PIK3C2G: variants seen among roughly 807,000 people sequenced by gnomAD.
PIK3C2G encodes phosphatidylinositol 3-kinase C2 domain-containing subunit gamma.
Under a neutral mutation model 181.1 loss-of-function variants are expected in PIK3C2G, and 168 were observed. The ratio of observed to expected loss-of-function variants is 0.93; its 90% confidence interval spans 0.82 to 1.05. The LOEUF (loss-of-function observed/expected upper bound fraction) is 1.05. Among genes scored for constraint, PIK3C2G ranks in the 50% least tolerant of loss-of-function variants. The pLI, the probability that PIK3C2G is intolerant of heterozygous loss-of-function variation, is 0.00. For missense variants in PIK3C2G, 1,869 were observed against 1,732.8 expected (o/e 1.08, Z -1.40); for synonymous variants, 573 against 592.2 (o/e 0.97, Z 0.47).
chr12:18,271,260 G>T (rs766587138), intron 1 of PIK3C2G, among the ~76,000 whole-genome samples: 2 of 151,822 alleles, frequency 1.3e-5, no homozygotes, highest in Non-Finnish European at 2.9e-5. Context: ...TTGTTCCTCC[G>T]CATCTGTTAG....
At chr12:18,685,869 CAT>C in the PIK3C2G span, among the ~76,000 whole-genome samples, 45,072 of 145,788 alleles carry the variant, frequency 0.31, 7,166 homozygotes, top group East Asian at 0.53. Context: ...CACACACACA[CAT>C]ACAATAATAT....
At chr12:18,318,383 T>G (rs1437159155) in intron 6 of PIK3C2G, among the ~76,000 whole-genome samples, 2 of 152,260 alleles carry the variant, frequency 1.3e-5, no homozygotes, top group Admixed American at 6.5e-5. Flanking sequence ...TCATCTTCAT[T>G]ATCTGAATTG....
intron 32 of PIK3C2G, among the ~76,000 whole-genome samples, chr12:18,642,647 G>T (rs1244864498): frequency 6.6e-6 from 1 of 152,092 alleles, no homozygotes; most frequent in African/African-American, 2.4e-5. Context: ...CCTTTCTTTA[G>T]TCCTACACGG....
chr12:18,244,782 G>T (rs183917333), upstream of PIK3C2G, among the ~76,000 whole-genome samples: 2 of 152,130 alleles, frequency 1.3e-5, no homozygotes, highest in Admixed American at 1.3e-4. Context: ...ATTAATCTCA[G>T]AAGTAATTCA....
chr12:18,286,934 G>A lies in PIK3C2G; in HGVS notation c.761+5G>A. 2 of 1,493,180 alleles carry A rather than the reference G, an allele frequency of 1.3e-6. No individual in the cohort carries two copies. Among genetic ancestry groups the A allele is most frequent in the Admixed American group, 2.1e-5 (1 of 47,928 alleles). 92.5% of individuals were successfully genotyped at this position (1,493,180 alleles called of 1,614,324 possible). A position where few individuals can be genotyped will look rare whatever the true frequency, so the allele number is the denominator to read the frequency against. ...TTTTTGCAACAAAGTAAAAAAGTGA[G>A]TACTGGTATTTCATTAAACTTTGAA... On this transcript the variant is annotated splice_donor_5th_base_variant and intron_variant, in intron 3 of 32. Transcript: ENST00000538779.
intron 29 of PIK3C2G, among the ~76,000 whole-genome samples, chr12:18,582,934 A>C (rs1946577868): frequency 1.3e-5 from 2 of 150,564 alleles, no homozygotes; most frequent in African/African-American, 4.9e-5. Flanking sequence ...CTCTGGGATG[A>C]AGCTCCCACA....
At chr12:18,658,163 T>G in the PIK3C2G span, among the ~76,000 whole-genome samples, 1 of 151,806 alleles carries the variant, frequency 6.6e-6, no homozygotes, top group East Asian at 1.9e-4. Flanking sequence ...ACAAAAGGAA[T>G]AAAGAAAAAT....
the PIK3C2G span, among the ~76,000 whole-genome samples, chr12:18,672,767 C>G: frequency 6.6e-6 from 1 of 152,150 alleles, no homozygotes; most frequent in African/African-American, 2.4e-5. Flanking sequence ...TCCCTTCAAC[C>G]TCCTGGTAGG....
downstream of PIK3C2G, chr12:18,648,519 G>A (rs1399568563): frequency 2.3e-5 from 4 of 173,106 alleles, no homozygotes; most frequent in East Asian, 2.2e-4. Context: ...TCAGCAGAAT[G>A]CTATATTATT....
At chr12:18,542,575 G>C (rs1015933919) in intron 25 of PIK3C2G, among the ~76,000 whole-genome samples, 2 of 151,664 alleles carry the variant, frequency 1.3e-5, no homozygotes, top group Non-Finnish European at 2.9e-5. Context: ...CGCCCCTCAA[G>C]TAGATCCCAG....
chr12:18,589,428 T>C (rs1175781924), intron 29 of PIK3C2G, among the ~76,000 whole-genome samples: 4 of 151,924 alleles, frequency 2.6e-5, no homozygotes, highest in Non-Finnish European at 5.9e-5. Flanking sequence ...TGCAGAGAAA[T>C]GTAGGTCAAG....
chr12:18,520,228 G>A (rs1395035280), intron 24 of PIK3C2G, among the ~76,000 whole-genome samples: 1 of 151,936 alleles, frequency 6.6e-6, no homozygotes, highest in Non-Finnish European at 1.5e-5. Flanking sequence ...TGTCTTAGTG[G>A]TGTCCTCTGA....
Position 18,375,038 on chromosome 12 carries a change from T to C in PIK3C2G, c.1880+3727T>C, listed in dbSNP as rs551872372. Among the ~76,000 whole-genome samples the C allele has an allele frequency of 3.0e-4, 46 of 152,338 alleles. No individual in the cohort carries two copies. The South Asian group carries it at 9.5e-3, about 32-fold the overall frequency. ...GTATTTCCTTACAGCAATGCAAGAA[T>C]GGCCTAACCCAGAAAGTCGGTACCA... On this transcript the variant is annotated intron_variant, in intron 13 of 32. Transcript: ENST00000538779.
chr12:18,561,109 A>G (rs995596089), intron 26 of PIK3C2G, among the ~76,000 whole-genome samples: 4 of 152,236 alleles, frequency 2.6e-5, no homozygotes, highest in Non-Finnish European at 5.9e-5. Flanking sequence ...TTCCTTGAGC[A>G]CTTCTTAAAG....
chr12:18,305,704 A>C (rs981113639), intron 5 of PIK3C2G, among the ~76,000 whole-genome samples: 1 of 152,068 alleles, frequency 6.6e-6, no homozygotes, highest in Non-Finnish European at 1.5e-5. Context: ...TTACTCATTT[A>C]TTGTTTTTTA....
At chr12:18,604,434 C>T (rs1947901171) in intron 30 of PIK3C2G, among the ~76,000 whole-genome samples, 1 of 152,086 alleles carries the variant, frequency 6.6e-6, no homozygotes, top group African/African-American at 2.4e-5. Flanking sequence ...TAGACAGCAA[C>T]ACAATAATAG....
chr12:18,610,490 A>C (rs1948277310), intron 31 of PIK3C2G, among the ~76,000 whole-genome samples: 1 of 152,152 alleles, frequency 6.6e-6, no homozygotes. Context: ...TTTGAAGAGA[A>C]TATGTTCATT....
intron 18 of PIK3C2G, among the ~76,000 whole-genome samples, chr12:18,439,616 C>T (rs750217742): frequency 2.0e-5 from 3 of 151,892 alleles, no homozygotes; most frequent in South Asian, 2.1e-4. Context: ...TTTAGCACTC[C>T]GTGTATATAA....
intron 18 of PIK3C2G, among the ~76,000 whole-genome samples, chr12:18,468,442 C>G (rs996472946): frequency 6.6e-6 from 1 of 152,082 alleles, no homozygotes; most frequent in Non-Finnish European, 1.5e-5. Context: ...TTCTTGCCTT[C>G]AGCATTCTTG....
Sources: gnomAD v4.1 joint callset for allele counts (sites outside exome capture counted in the v4.1 genomes callset) on GRCh38, gnomAD v4.1.1 for gene constraint, MANE v1.5 for transcripts, NCBI Gene and HGNC (gene_info 2026-07-23, HGNC 2026-07-21) for gene names.